SLC14A2: variants seen among roughly 807,000 people sequenced by gnomAD.
SLC14A2 encodes the protein solute carrier family 14 member 2.
SLC14A2 carries 91 observed loss-of-function variants against 104.6 expected under a neutral mutation model. The ratio of observed to expected loss-of-function variants is 0.87; its 90% CI spans 0.73 to 1.04. The LOEUF is 1.04. Ranked by LOEUF, SLC14A2 falls within the 50% of genes least tolerant of loss-of-function variation. The pLI, the probability that SLC14A2 is intolerant of heterozygous loss-of-function variation, is 0.00. For missense variants in SLC14A2, 1,189 were observed against 1,156.0 expected (o/e 1.03, Z -0.41); for synonymous variants, 476 against 466.4 (o/e 1.02, Z -0.27).
At chr18:45,452,117 G>A (rs575318394) in intron 1 of SLC14A2, among the ~76,000 whole-genome samples, 2 of 152,326 alleles carry the variant, frequency 1.3e-5, no homozygotes, top group Non-Finnish European at 1.5e-5. Context: ...GACACGATGT[G>A]TGTGTAAGAG....
chr18:45,228,094 T>G (rs34800162), intron 1 of SLC14A2, among the ~76,000 whole-genome samples: 48,251 of 152,048 alleles, frequency 0.32, 8,259 homozygotes, highest in African/African-American at 0.45. Context: ...GAGAGAATCT[T>G]CCATTGATTA....
the SLC14A2 span, among the ~76,000 whole-genome samples, chr18:45,204,559 T>G: frequency 6.6e-6 from 1 of 152,202 alleles, no homozygotes; most frequent in Admixed American, 6.5e-5. Context: ...TTATTTTGTC[T>G]TATAAATAAC....
At chr18:45,650,466 T>G (rs2144585170) in intron 10 of SLC14A2, among the ~76,000 whole-genome samples, 1 of 152,266 alleles carries the variant, frequency 6.6e-6, no homozygotes, top group Middle Eastern at 3.4e-3. Context: ...TTGCCAACTT[T>G]CATAAGCTGA....
chr18:45,659,429 C>T (rs73956506), intron 10 of SLC14A2, among the ~76,000 whole-genome samples: 6,075 of 152,238 alleles, frequency 0.04, 396 homozygotes, highest in African/African-American at 0.14. Flanking sequence ...CACAACCAGA[C>T]GGAATGGACT....
At chr18:45,309,701 A>C (rs1018223174) in intron 1 of SLC14A2, among the ~76,000 whole-genome samples, 1 of 152,148 alleles carries the variant, frequency 6.6e-6, no homozygotes, top group Non-Finnish European at 1.5e-5. Context: ...TTTGTTGCTA[A>C]TTTTTAAGTG....
chr18:45,643,563 C>T (rs1463660336), intron 9 of SLC14A2, among the ~76,000 whole-genome samples: 1 of 152,158 alleles, frequency 6.6e-6, no homozygotes, highest in African/African-American at 2.4e-5. Flanking sequence ...GACAGGGTCT[C>T]GCACTGTTGC....
chr18:45,205,180 G>T, the SLC14A2 span, among the ~76,000 whole-genome samples: 2 of 152,144 alleles, frequency 1.3e-5, no homozygotes, highest in Admixed American at 1.3e-4. Flanking sequence ...CCTTCCCCTA[G>T]CAGCACCAGC....
chr18:45,436,109 C>A (rs745344277), intron 1 of SLC14A2, among the ~76,000 whole-genome samples: 3 of 152,040 alleles, frequency 2.0e-5, no homozygotes, highest in Non-Finnish European at 4.4e-5. Flanking sequence ...TTTTGTGTTA[C>A]ATTTGGGGGT....
At chr18:45,488,567 T>G (rs972018272) in intron 2 of SLC14A2, among the ~76,000 whole-genome samples, 2 of 152,188 alleles carry the variant, frequency 1.3e-5, no homozygotes, top group African/African-American at 4.8e-5. Context: ...CATTCTGTGT[T>G]ACAGTAAGCA....
intron 1 of SLC14A2, among the ~76,000 whole-genome samples, chr18:45,454,740 A>C (rs562564400): frequency 6.6e-6 from 1 of 152,230 alleles, no homozygotes; most frequent in Non-Finnish European, 1.5e-5. Context: ...AGTTTTCCCA[A>C]TGCCATTTAT....
intron 2 of SLC14A2, 78 bp from the exon 3 acceptor site, chr18:45,625,605 G>C: frequency 8.1e-7 from 1 of 1,228,230 alleles, no homozygotes; most frequent in East Asian, 2.8e-5. Context: ...CAAAAAACCT[G>C]CCACCCTCCT....
At chr18:45,521,270 G>C (rs1209467309) in intron 2 of SLC14A2, among the ~76,000 whole-genome samples, 1 of 152,188 alleles carries the variant, frequency 6.6e-6, no homozygotes, top group Non-Finnish European at 1.5e-5. Flanking sequence ...CACTGAGTCC[G>C]ACAGGGTTAA....
intron 1 of SLC14A2, among the ~76,000 whole-genome samples, chr18:45,277,161 C>T (rs1030032342): frequency 6.6e-6 from 1 of 152,162 alleles, no homozygotes; most frequent in Non-Finnish European, 1.5e-5. Context: ...AAATAAATAA[C>T]CTACATATAG....
intron 1 of SLC14A2, among the ~76,000 whole-genome samples, chr18:45,416,107 G>A (rs1202264577): frequency 6.6e-6 from 1 of 152,102 alleles, no homozygotes; most frequent in Non-Finnish European, 1.5e-5. Context: ...GAGCGTTTGA[G>A]TCCTAAGTGC....
chr18:45,549,934 A>G (rs1025153850), intron 2 of SLC14A2: 1 of 151,012 alleles, frequency 6.6e-6, no homozygotes, highest in African/African-American at 2.4e-5. Flanking sequence ...AGAAGGATAT[A>G]TCTCCCAATT....
chr18:45,559,714 T>C (rs1278963290), intron 2 of SLC14A2, among the ~76,000 whole-genome samples: 1 of 152,232 alleles, frequency 6.6e-6, no homozygotes, highest in African/African-American at 2.4e-5. Context: ...TTTCTAAACA[T>C]GTGGTTATGG....
rs148041406 is a variant in SLC14A2 at position 45,585,865 on chromosome 18, T to C, written c.-34-38766T>C. Among the ~76,000 whole-genome samples the C allele has an allele frequency of 6.0e-3, 915 of 152,346 alleles. 13 individuals are homozygous for C. The highest frequency in any genetic ancestry group is 0.021 in the African/African-American group (870 of 41,570). ...GCGAGAGTCCTTGAGTGCCTGTTCC[T>C]GAGCAGAACTGGTTACACCCTATCT... On this transcript the variant is annotated intron_variant, in intron 2 of 20. Coordinates refer to the SLC14A2 transcript ENST00000586448.
chr18:45,653,458 C>T (rs2045774712), intron 10 of SLC14A2, among the ~76,000 whole-genome samples: 1 of 152,114 alleles, frequency 6.6e-6, no homozygotes, highest in South Asian at 2.1e-4. Context: ...TCACACCCCA[C>T]CACTGAGTGT....
chr18:45,301,725 A>G (rs2144192383), intron 1 of SLC14A2, among the ~76,000 whole-genome samples: 1 of 152,318 alleles, frequency 6.6e-6, no homozygotes, highest in South Asian at 2.1e-4. Flanking sequence ...CAATCCATTG[A>G]CCAGGTTGTT....
Sources: gnomAD v4.1 joint callset for allele counts (sites outside exome capture counted in the v4.1 genomes callset) on GRCh38, gnomAD v4.1.1 for gene constraint, MANE v1.5 for transcripts, NCBI Gene and HGNC (gene_info 2026-07-23, HGNC 2026-07-21) for gene names.